The following SLC36A4 variants were observed in gnomAD, a reference collection of about 807,000 sequenced individuals.
SLC36A4 encodes solute carrier family 36 member 4.
Under a neutral mutation model 50.5 loss-of-function variants are expected in SLC36A4, and 49 were observed. That is an observed-to-expected ratio of 0.97 (90% CI 0.77 to 1.23). The LOEUF (loss-of-function observed/expected upper bound fraction) is 1.23. Ranked by LOEUF, SLC36A4 falls within the 50% of genes most tolerant of loss-of-function variation. The pLI is 0.00. For missense variants in SLC36A4, 611 were observed against 608.4 expected (o/e 1.00, Z -0.05); for synonymous variants, 207 against 206.5 (o/e 1.00, Z -0.02).
intron 6 of SLC36A4, among the ~76,000 whole-genome samples, chr11:93,178,941 C>A (rs1861614739): frequency 6.6e-6 from 1 of 152,094 alleles, no homozygotes; most frequent in Non-Finnish European, 1.5e-5. Flanking sequence ...ACCTTCAAAA[C>A]CCTAAGGTTA....
At chr11:93,163,296 GA>G (rs566030957) in intron 8 of SLC36A4, among the ~76,000 whole-genome samples, 3 of 152,176 alleles carry the variant, frequency 2.0e-5, no homozygotes, top group South Asian at 4.1e-4. Flanking sequence ...ATTTCATTTG[GA>G]TTTCATTAGT....
At chr11:93,161,074 A>C (rs893313395) in intron 9 of SLC36A4, among the ~76,000 whole-genome samples, 1 of 152,128 alleles carries the variant, frequency 6.6e-6, no homozygotes, top group Non-Finnish European at 1.5e-5. Context: ...TTCTGGCCTC[A>C]AGTGATCCTC....
chr11:93,150,013 T>A (rs1808706863), intron 10 of SLC36A4, among the ~76,000 whole-genome samples: 1 of 152,092 alleles, frequency 6.6e-6, no homozygotes, highest in Non-Finnish European at 1.5e-5. Context: ...ATTTCCAAAC[T>A]GTTGATGAGT....
At chr11:93,158,304 TA>T (rs1468610242) in intron 9 of SLC36A4, among the ~76,000 whole-genome samples, 2 of 152,134 alleles carry the variant, frequency 1.3e-5, no homozygotes, top group African/African-American at 2.4e-5. Context: ...TTTTTCTAAT[TA>T]ATTATCTTTT....
chr11:93,183,769 C>A (rs996925892), intron 3 of SLC36A4, among the ~76,000 whole-genome samples: 1 of 151,874 alleles, frequency 6.6e-6, no homozygotes, highest in African/African-American at 2.4e-5. Context: ...GCAATCTCAG[C>A]TCAATGCAAA....
chr11:93,173,429 G>A (rs1273590567), intron 6 of SLC36A4, among the ~76,000 whole-genome samples: 1 of 146,836 alleles, frequency 6.8e-6, no homozygotes, highest in Non-Finnish European at 1.5e-5. Context: ...TTCTTTTGCT[G>A]TGCAGAAGCT....
intron 10 of SLC36A4, 145 bp from the exon 11 acceptor site, chr11:93,148,989 AT>A: frequency 1.1e-6 from 1 of 932,206 alleles, no homozygotes; most frequent in Admixed American, 3.0e-5. Flanking sequence ...TGTGAAAAAA[AT>A]CTGCCATATT....
chr11:93,156,804 C>T (rs1860386075), intron 9 of SLC36A4, among the ~76,000 whole-genome samples: 1 of 152,098 alleles, frequency 6.6e-6, no homozygotes, highest in South Asian at 2.1e-4. Flanking sequence ...CTGTAGGTTG[C>T]CTGTTCACTC....
chr11:93,182,708 C>G, intron 4 of SLC36A4, 98 bp downstream of exon 4: 1 of 783,894 alleles, frequency 1.3e-6, no homozygotes, highest in Non-Finnish European at 2.0e-6. Context: ...TACGTAAAAG[C>G]TTAAACGAAA....
chr11:93,166,174 A>G, intron 7 of SLC36A4, 158 bp from the exon 8 acceptor site: 2 of 1,315,290 alleles, frequency 1.5e-6, no homozygotes, highest in Non-Finnish European at 9.8e-7. Context: ...ATCCTCTGTT[A>G]AATGTAGCCA....
At position 93,197,924 on chromosome 11, in the gene SLC36A4, G is replaced by C; in HGVS notation, c.-92C>G. The C allele has an allele frequency of 7.8e-7, 1 of 1,288,406 alleles. No homozygotes were observed. Among genetic ancestry groups the C allele is most frequent in the South Asian group, 1.6e-5 (1 of 60,930 alleles). 79.8% of individuals were successfully genotyped at this position (1,288,406 alleles called of 1,614,324 possible). A position where few individuals can be genotyped will look rare whatever the true frequency, so the allele number is the denominator to read the frequency against. On this transcript the variant is annotated 5_prime_UTR_variant, in exon 1 of 11. Transcript: ENST00000326402. The stretch of plus-strand genomic sequence containing the variant: ...AGGCCCAGGCCTACCTCCCCTGCCC[G>C]GAGGGACCCGCGCCTGGTGCCCGCC...
At chr11:93,165,893 A>G in intron 8 of SLC36A4, 25 bp downstream of exon 8, 1 of 1,414,604 alleles carries the variant, frequency 7.1e-7, no homozygotes. Flanking sequence ...ATTTTAAAAA[A>G]TAATAATAAA....
rs1484697014 is a variant in SLC36A4, at chr11:93,162,728, A to T, written c.1015T>A (p.Leu339Ile). Reference protein sequence around the residue: ...FHDEIKGSITLNLPQDVWLYQ... With the variant: ...FHDEIKGSITINLPQDVWLYQ... ...TACCATACATCTTGGGGAAGATTTAAAGTTATGCTGCCTTTGATTTCATCA... is the reference window on the plus strand; with the variant it reads ...TACCATACATCTTGGGGAAGATTTATAGTTATGCTGCCTTTGATTTCATCA... The change falls in exon 9 of 11, where the codon TTA becomes ATA. Residue 339 changes from leucine (L) to isoleucine (I), a missense_variant. Transcript: ENST00000326402. 6.2e-7 allele frequency: 1 copy of T among 1,610,676 alleles called. No homozygotes were observed. The highest frequency in any genetic ancestry group is 1.1e-5 in the South Asian group (1 of 90,536).
chr11:93,148,457 A>G lies in SLC36A4; in HGVS notation c.*80T>C, dbSNP rs1859929311. 8.4e-7 allele frequency: 1 copy of G among 1,188,360 alleles called. No individual in the cohort carries two copies. Among genetic ancestry groups the G allele is most frequent in the East Asian group, 2.3e-5 (1 of 42,814 alleles). 73.6% of individuals were successfully genotyped at this position (1,188,360 alleles called of 1,614,324 possible). On this transcript the variant is annotated 3_prime_UTR_variant, in exon 11 of 11. Coordinates refer to ENST00000326402, the MANE Select transcript of SLC36A4 (RefSeq NM_152313.4). ...ACAGAGTTTGTTACCATTTTTATGT[A>G]TATAGCAATGTATTTTACTAGTTAT...
intron 8 of SLC36A4, among the ~76,000 whole-genome samples, 189 bp from the exon 9 acceptor site, chr11:93,163,064 A>G (rs1168878194): frequency 2.6e-5 from 4 of 152,056 alleles, no homozygotes; most frequent in Non-Finnish European, 4.4e-5. Flanking sequence ...TCTTAAAAAG[A>G]TTTAAACTCA....
intron 10 of SLC36A4, among the ~76,000 whole-genome samples, chr11:93,151,765 C>A (rs1380211386): frequency 6.6e-6 from 1 of 151,932 alleles, no homozygotes; most frequent in Non-Finnish European, 1.5e-5. Flanking sequence ...TAGAGAGTAA[C>A]AGAAGTAAAT....
At chr11:93,166,242 C>A (rs1565223306) in intron 7 of SLC36A4, 2 of 1,250,732 alleles carry the variant, frequency 1.6e-6, no homozygotes, top group Non-Finnish European at 2.0e-6. Flanking sequence ...TACATTCCAT[C>A]TGAGCAAAAT....
intron 8 of SLC36A4, 136 bp from the exon 9 acceptor site, chr11:93,163,011 GT>G: frequency 1.6e-6 from 1 of 640,518 alleles, no homozygotes; most frequent in South Asian, 2.1e-5. Context: ...AATTGTTGAA[GT>G]ACACTTCCAT....
intron 9 of SLC36A4, chr11:93,159,831 TTCAA>T (rs1860538144): frequency 1.0e-6 from 1 of 985,304 alleles, no homozygotes; most frequent in Non-Finnish European, 1.2e-6. Context: ...CTCTTTCTAA[TTCAA>T]TCTTTTCTTG....
Sources: allele counts gnomAD v4.1 joint callset (sites outside exome capture counted in the v4.1 genomes callset), GRCh38; gene constraint gnomAD v4.1.1; transcripts MANE v1.5; gene names NCBI Gene and HGNC (gene_info 2026-07-23, HGNC 2026-07-21).